The following SOX15 variants were observed in gnomAD, a reference collection of about 807,000 sequenced individuals.
SOX15 encodes the protein SRY-box transcription factor 15, also known as transcription factor SOX-15.
Under a neutral mutation model 15.9 loss-of-function variants are expected in SOX15, and 12 were observed. The observed-to-expected ratio is 0.75, with a 90% CI of 0.48 to 1.22. The LOEUF is 1.22. Ranked by LOEUF, SOX15 falls within the 50% of genes most tolerant of loss-of-function variation. SOX15 has a pLI of 0.00. For missense variants in SOX15, 309 were observed against 313.9 expected (o/e 0.98, Z 0.12); for synonymous variants, 149 against 142.8 (o/e 1.04, Z -0.31).
chr17:7,588,686 G>C, intron 1 of SOX15, 140 bp from the exon 2 acceptor site: 1 of 935,304 alleles, frequency 1.1e-6, no homozygotes, highest in Non-Finnish European at 1.7e-6. Context: ...CATGGAAGCC[G>C]ACCCCGGGAT....
In SOX15 at chr17:7,589,244, C is replaced by T. The variant is rs1218635261; in HGVS notation, c.433G>A (p.Gly145Ser). ...GCGTACCCCGGCCCCCAGAGCGGGC[C>T]GCCGCTGGCCAGGTTGCCTCTTCCC... ...GQGRGNLASGGPLWGPGYATT... is the reference protein window; with the variant it reads ...GQGRGNLASGSPLWGPGYATT... Residue 145 changes from glycine to serine, a missense_variant, in exon 1 of 2, where the codon GGC (glycine) becomes AGC (serine). Gly to Ser is a moderately conservative substitution (Grantham distance 56). Transcript: ENST00000250055. The T allele has an allele frequency of 1.9e-6, 3 of 1,547,994 alleles. No homozygotes were observed. The highest frequency in any genetic ancestry group is 1.4e-5 in the African/African-American group (1 of 73,084).
chr17:7,588,679 G>A, intron 1 of SOX15, 133 bp from the exon 2 acceptor site: 3 of 979,376 alleles, frequency 3.1e-6, no homozygotes, highest in Non-Finnish European at 4.8e-6. Context: ...CAGCAGGCAT[G>A]GAAGCCGACC....
chr17:7,588,309 G>C lies in SOX15; in HGVS notation c.*69C>G, dbSNP rs768277362. The C allele has an allele frequency of 1.4e-6, 2 of 1,481,418 alleles. No individual in the cohort carries two copies. The highest frequency in any genetic ancestry group is 1.9e-6 in the Non-Finnish European group (2 of 1,059,006). 91.8% of individuals were successfully genotyped at this position (1,481,418 alleles called of 1,614,324 possible). On this transcript the variant is annotated 3_prime_UTR_variant, in exon 2 of 2. Transcript: ENST00000250055. ...AACAGGAGAAAGGGTTGACAGCCTG[G>C]GGTAGGGGATGCTGCTGGATTAAAA...
intron 1 of SOX15, 45 bp downstream of exon 1, chr17:7,589,099 G>A (rs546223313): frequency 1.4e-6 from 2 of 1,432,616 alleles, no homozygotes; most frequent in East Asian, 2.6e-5. Context: ...CTCCAGAAGA[G>A]GGGCGCATGG....
intron 1 of SOX15, among the ~76,000 whole-genome samples, chr17:7,588,800 G>C (rs990516068): frequency 1.3e-5 from 2 of 152,132 alleles, no homozygotes; most frequent in Non-Finnish European, 2.9e-5. Context: ...GAATGAGCTC[G>C]GCCTCTCCTT....
At position 7,589,639 on chromosome 17, in the gene SOX15, C is replaced by T; in HGVS notation, c.38G>A (p.Ser13Asn). The change falls in exon 1 of 2, where the codon AGC becomes AAC. Residue 13 changes from serine (S) to asparagine (N), a missense_variant. Ser to Asn is a conservative substitution (Grantham distance 46, BLOSUM62 1). Transcript: ENST00000250055. Reference protein sequence around the residue: ...LPGSSQDQAWSLEPPAATAAA... With the variant: ...LPGSSQDQAWNLEPPAATAAA... ...AGCCGTGGCAGCCGGAGGCTCCAGG[C>T]TCCAGGCCTGGTCCTGTGAGGAGCC... 6.5e-7 allele frequency: 1 copy of T among 1,546,966 alleles called. No homozygotes were observed. The highest frequency in any genetic ancestry group is 8.7e-7 in the Non-Finnish European group (1 of 1,149,204).
Position 7,588,439 on chromosome 17 carries a change from C to T in SOX15, c.641G>A (p.Gly214Asp). Reference protein sequence around the residue: ...LPTYTHYLPPGSPTPYNPPLA... With the variant: ...LPTYTHYLPPDSPTPYNPPLA... ...GGGAGGGTTGTATGGAGTGGGAGAGCCAGGGGGCAGGTAGTGGGTATAGGT... is the reference window on the plus strand; with the variant it reads ...GGGAGGGTTGTATGGAGTGGGAGAGTCAGGGGGCAGGTAGTGGGTATAGGT... Residue 214 changes from glycine to aspartate, a missense_variant, in exon 2 of 2, where the codon GGC becomes GAC. By Grantham distance (94) the Gly-to-Asp change is moderately conservative. Coordinates refer to ENST00000250055, the MANE Select transcript of SOX15 (RefSeq NM_006942.2). The T allele has an allele frequency of 1.9e-6, 3 of 1,613,578 alleles. No individual in the cohort carries two copies. The highest frequency in any genetic ancestry group is 1.1e-5 in the South Asian group (1 of 91,056).
chr17:7,588,598 T>G, intron 1 of SOX15, 52 bp from the exon 2 acceptor site: 2 of 1,552,594 alleles, frequency 1.3e-6, no homozygotes, highest in Non-Finnish European at 1.8e-6. Flanking sequence ...TGGAGGTGAG[T>G]CTGGCCAGTT....
In SOX15 at chr17:7,589,260, G is replaced by T. The variant is rs1172295324; in HGVS notation, c.417C>A (p.Gly139=). Residue 139 remains glycine, a synonymous_variant, in exon 1 of 2, where the codon GGC becomes GGA. Transcript: ENST00000250055. ...AGPSRCGQGR[G]NLASGGPLWG... ...AGAGCGGGCCGCCGCTGGCCAGGTT[G>T]CCTCTTCCCTGTCCGCAGCGGGAAG... The T allele has an allele frequency of 1.3e-6, 2 of 1,556,736 alleles. No homozygotes were observed. Among genetic ancestry groups the T allele is most frequent in the South Asian group, 2.3e-5 (2 of 85,502 alleles).
Position 7,588,268 on chromosome 17 carries a change from C to G in SOX15, c.*110G>C. ...CTATCATGGGAGGACTGCAGGCTGC[C>G]TCTGAACTGTAGTCCAACAGGAGAA... On this transcript the variant is annotated 3_prime_UTR_variant, in exon 2 of 2. Transcript: ENST00000250055. 1 of 1,079,072 alleles carries G rather than the reference C, an allele frequency of 9.3e-7. No individual in the cohort carries two copies. The highest frequency in any genetic ancestry group is 1.4e-6 in the Non-Finnish European group (1 of 691,740). 66.8% of individuals were successfully genotyped at this position (1,079,072 alleles called of 1,614,324 possible). A position where few individuals can be genotyped will look rare whatever the true frequency, so the allele number is the denominator to read the frequency against.
chr17:7,588,611 G>T, intron 1 of SOX15, 65 bp from the exon 2 acceptor site: 1 of 1,523,486 alleles, frequency 6.6e-7, no homozygotes, highest in Non-Finnish European at 9.1e-7. Context: ...GGCCAGTTCT[G>T]GGCAGACAGG....
chr17:7,590,011 A>C lies in SOX15; in HGVS notation c.-335T>G. Reference sequence around the variant, plus strand: ...CCTTCCGTGGAGGGGGTAAACCATAAACCCCTTTGTGGTCTCCGGAGTTCC... The same window carrying C: ...CCTTCCGTGGAGGGGGTAAACCATACACCCCTTTGTGGTCTCCGGAGTTCC... On this transcript the variant is annotated 5_prime_UTR_variant, in exon 1 of 2. Coordinates refer to ENST00000250055, the MANE Select transcript of SOX15 (RefSeq NM_006942.2). 6.0e-6 allele frequency: 2 copies of C among 333,968 alleles called. No homozygotes were observed. The highest frequency in any genetic ancestry group is 5.5e-6 in the Non-Finnish European group (1 of 181,000). 20.7% of individuals were successfully genotyped at this position (333,968 alleles called of 1,614,324 possible).
Position 7,589,547 on chromosome 17 carries a change from G to A in SOX15, c.130C>T (p.Leu44=). ...GGCCGCTTCACCTTCTCCAGGGGCA[G>A]CGTCCCGGGGGCCGCGGGGCTCCCA... The part of the protein sequence containing the change: ...GAGSPAAPGT[L]PLEKVKRPMN... Residue 44 remains leucine (L), a synonymous_variant, in exon 1 of 2, where the codon CTG becomes TTG. Coordinates refer to ENST00000250055, the MANE Select transcript of SOX15 (RefSeq NM_006942.2). The A allele has an allele frequency of 6.2e-7, 1 of 1,606,098 alleles. No individual in the cohort carries two copies. The highest frequency in any genetic ancestry group is 1.1e-5 in the South Asian group (1 of 90,372).
chr17:7,589,837 C>A lies in SOX15; in HGVS notation c.-161G>T. ...CCCAAGCCCAGAGCTTAAACCGGAG[C>A]CTTTGCTTCCAACCTGTTCGGCACA... On this transcript the variant is annotated 5_prime_UTR_variant, in exon 1 of 2. Coordinates refer to ENST00000250055, the MANE Select transcript of SOX15 (RefSeq NM_006942.2). 1.5e-6 allele frequency: 1 copy of A among 659,556 alleles called. No individual in the cohort carries two copies. Among genetic ancestry groups the A allele is most frequent in the Non-Finnish European group, 2.5e-6 (1 of 396,974 alleles). 40.9% of individuals were successfully genotyped at this position (659,556 alleles called of 1,614,324 possible).
Position 7,588,376 on chromosome 17 carries a change from G to A in SOX15, c.*2C>T, listed in dbSNP as rs762220784. The A allele has an allele frequency of 9.9e-6, 16 of 1,613,080 alleles. No individual in the cohort carries two copies. The Admixed American group carries it at 2.7e-4, about 27-fold the overall frequency. On this transcript the variant is annotated 3_prime_UTR_variant, in exon 2 of 2. Coordinates refer to ENST00000250055, the MANE Select transcript of SOX15 (RefSeq NM_006942.2). ...GTCCCGTGAGGTCTGCGTCCATGAG[G>A]GTTAGAGGTGGGTTAGGGGCATGGG...
Position 7,589,850 on chromosome 17 carries a change from C to A in SOX15, c.-174G>T. The stretch of plus-strand genomic sequence containing the variant: ...CTTAAACCGGAGCCTTTGCTTCCAA[C>A]CTGTTCGGCACACTTTGGGGAGAGT... On this transcript the variant is annotated 5_prime_UTR_variant, in exon 1 of 2. Transcript: ENST00000250055. The A allele has an allele frequency of 1.6e-6, 1 of 623,006 alleles. No homozygotes were observed. The highest frequency in any genetic ancestry group is 2.7e-6 in the Non-Finnish European group (1 of 365,434). The allele number at this position is 623,006 out of a possible 1,614,324, so 38.6% of individuals were successfully genotyped here.
At position 7,589,186 on chromosome 17, in the gene SOX15, C is replaced by G; in HGVS notation, c.491G>C (p.Arg164Thr). 1 of 1,527,230 alleles carries G rather than the reference C, an allele frequency of 6.5e-7. No homozygotes were observed. The highest frequency in any genetic ancestry group is 1.2e-5 in the South Asian group (1 of 81,928). The allele number at this position is 1,527,230 out of a possible 1,614,324, so 94.6% of individuals were successfully genotyped here. A position where few individuals can be genotyped will look rare whatever the true frequency, so the allele number is the denominator to read the frequency against. Residue 164 changes from arginine to threonine, a missense_variant, in exon 1 of 2, where the codon AGA (arginine) becomes ACA (threonine). By Grantham distance (71) the Arg-to-Thr change is moderately conservative. Transcript: ENST00000250055. ...GTAGGCTGTCGAGTAGCTGGGGGGTCTGTACCCAAAGCCTCTGCTCGGTTG... is the reference window on the plus strand; with the variant it reads ...GTAGGCTGTCGAGTAGCTGGGGGGTGTGTACCCAAAGCCTCTGCTCGGTTG... ...TTQPSRGFGY[R>T]PPSYSTAYLP...
In SOX15 at chr17:7,589,884, A is replaced by G. The variant is rs2071638751; in HGVS notation, c.-208T>C. On this transcript the variant is annotated 5_prime_UTR_variant, in exon 1 of 2. Coordinates refer to ENST00000250055, the MANE Select transcript of SOX15 (RefSeq NM_006942.2). The stretch of plus-strand genomic sequence containing the variant: ...CACACTTTGGGGAGAGTCGAATGCA[A>G]AATCCGCTGTCTGGTGCCCCGGCAC... 1.7e-6 allele frequency: 1 copy of G among 574,026 alleles called. No individual in the cohort carries two copies. Among genetic ancestry groups the G allele is most frequent in the Admixed American group, 3.5e-5 (1 of 28,546 alleles). 35.6% of individuals were successfully genotyped at this position (574,026 alleles called of 1,614,324 possible). A position where few individuals can be genotyped will look rare whatever the true frequency, so the allele number is the denominator to read the frequency against.
intron 1 of SOX15, 50 bp from the exon 2 acceptor site, chr17:7,588,596 A>G: frequency 6.4e-7 from 1 of 1,569,058 alleles, no homozygotes; most frequent in South Asian, 1.1e-5. Context: ...GTTGGAGGTG[A>G]GTCTGGCCAG....
Sources: allele counts gnomAD v4.1 joint callset (sites outside exome capture counted in the v4.1 genomes callset), GRCh38; gene constraint gnomAD v4.1.1; transcripts MANE v1.5; gene names NCBI Gene and HGNC (gene_info 2026-07-23, HGNC 2026-07-21).